The following DDX59 variants were observed in gnomAD, a reference collection of about 807,000 sequenced individuals.
DDX59 encodes DEAD-box helicase 59, also known as probable ATP-dependent RNA helicase DDX59.
In DDX59, 30 loss-of-function variants were observed where a neutral mutation model predicts 51.9. The ratio of observed to expected loss-of-function variants is 0.58; its 90% CI spans 0.43 to 0.78. The LOEUF (loss-of-function observed/expected upper bound fraction) is 0.78, where lower values mean the gene tolerates loss of function less well. Among genes scored for constraint, DDX59 ranks in the 30% least tolerant of loss-of-function variants. The pLI, the probability that DDX59 is intolerant of heterozygous loss-of-function variation, is 0.00. For missense variants in DDX59, 672 were observed against 730.8 expected, an observed-to-expected ratio of 0.92 and a Z score of 0.93; for synonymous variants, 255 against 253.3, an observed-to-expected ratio of 1.01 and a Z score of -0.06.
At chr1:200,657,476 G>A (rs979568620) in intron 4 of DDX59, among the ~76,000 whole-genome samples, 3 of 151,974 alleles carry the variant, frequency 2.0e-5, no homozygotes, top group African/African-American at 7.2e-5. Flanking sequence ...TTGGGCGGGT[G>A]CAGTGGCTCA....
downstream of DDX59, among the ~76,000 whole-genome samples, chr1:200,642,566 G>A (rs2102821776): frequency 6.6e-6 from 1 of 152,272 alleles, no homozygotes; most frequent in Non-Finnish European, 1.5e-5. Context: ...GACAACAGAA[G>A]AGCAGACATG....
At chr1:200,650,065 C>CAA (rs1256257941) in intron 5 of DDX59, among the ~76,000 whole-genome samples, 1 of 152,034 alleles carries the variant, frequency 6.6e-6, no homozygotes, top group East Asian at 1.9e-4. Flanking sequence ...AGGATGGTCT[C>CAA]AATCTCCTGA....
intron 4 of DDX59, among the ~76,000 whole-genome samples, chr1:200,658,123 C>G (rs1318789036): frequency 6.6e-6 from 1 of 152,170 alleles, no homozygotes; most frequent in African/African-American, 2.4e-5. Flanking sequence ...GCACCCAGCA[C>G]CACGCATTTG....
intron 2 of DDX59, among the ~76,000 whole-genome samples, chr1:200,664,524 C>A (rs1283976756): frequency 6.6e-6 from 1 of 152,174 alleles, no homozygotes; most frequent in Non-Finnish European, 1.5e-5. Context: ...TACATATATA[C>A]CCATATCCTA....
Position 200,666,586 on chromosome 1 carries a change from A to T in DDX59, c.155T>A (p.Ile52Lys). ...GCATGATTCGCTGATGTGCCTGTCT[A>T]TTGTGGCTGCTTCTGTAGCTACAGC... is the stretch of plus-strand genomic sequence containing the variant. ...VDAVATEAAT[I>K]DRHISESCPF... Residue 52 changes from isoleucine (I) to lysine (K), a missense_variant, in exon 2 of 8, where the codon ATA becomes AAA. Transcript: ENST00000331314. The T allele has an allele frequency of 6.2e-7, 1 of 1,614,172 alleles. No homozygotes were observed. Among genetic ancestry groups the T allele is most frequent in the Non-Finnish European group, 8.5e-7 (1 of 1,180,032 alleles).
intron 4 of DDX59, among the ~76,000 whole-genome samples, chr1:200,657,478 A>C (rs1033195772): frequency 6.6e-6 from 1 of 151,512 alleles, no homozygotes; most frequent in African/African-American, 2.4e-5. Flanking sequence ...GGGCGGGTGC[A>C]GTGGCTCACA....
intron 3 of DDX59, among the ~76,000 whole-genome samples, chr1:200,663,043 T>A (rs894958523): frequency 6.6e-6 from 1 of 152,192 alleles, no homozygotes; most frequent in Non-Finnish European, 1.5e-5. Context: ...GATTTGACCT[T>A]CAAAAGATTC....
Position 200,649,206 on chromosome 1 carries a change from A to G in DDX59, c.1335T>C (p.Pro445=), listed in dbSNP as rs1210652868. Residue 445 remains proline (P), a synonymous_variant, in exon 6 of 8, where the codon CCT becomes CCC. Transcript: ENST00000331314. ...EILNDKKLFK[P]PVLVFVDCKL... is the part of the protein sequence containing the mutation. Reference sequence around the variant, plus strand: ...TGCAGTCCACAAATACTAACACTGGAGGCTTAAAGAGTTTCTTATCCTGAA... The same window carrying G: ...TGCAGTCCACAAATACTAACACTGGGGGCTTAAAGAGTTTCTTATCCTGAA... 1 of 1,570,636 alleles carries G rather than the reference A, an allele frequency of 6.4e-7. No individual in the cohort carries two copies. The highest frequency in any genetic ancestry group is 2.1e-5 in the Admixed American group (1 of 47,412).
At chr1:200,661,031 A>C (rs915731507) in intron 3 of DDX59, among the ~76,000 whole-genome samples, 3 of 152,182 alleles carry the variant, frequency 2.0e-5, no homozygotes, top group Non-Finnish European at 4.4e-5. Context: ...ACTATCCTCT[A>C]GTAAAATAAA....
At chr1:200,645,477 C>T (rs1203968356) in intron 7 of DDX59, among the ~76,000 whole-genome samples, 1 of 152,106 alleles carries the variant, frequency 6.6e-6, no homozygotes, top group African/African-American at 2.4e-5. Flanking sequence ...TGGGGTTTCA[C>T]CATCTTGACC....
chr1:200,662,980 C>G (rs548266019), intron 3 of DDX59, among the ~76,000 whole-genome samples: 1 of 152,306 alleles, frequency 6.6e-6, no homozygotes, highest in African/African-American at 2.4e-5. Flanking sequence ...AATTATCAAC[C>G]TGTAATTTCT....
intron 7 of DDX59, among the ~76,000 whole-genome samples, chr1:200,648,115 C>T (rs924689911): frequency 6.6e-6 from 1 of 151,730 alleles, no homozygotes; most frequent in African/African-American, 2.4e-5. Context: ...CCCCCTCCTG[C>T]CGAGTTCAAG....
Position 200,663,958 on chromosome 1 carries a change from G to A in DDX59, c.933C>T (p.Pro311=). The A allele has an allele frequency of 6.2e-7, 1 of 1,614,080 alleles. No homozygotes were observed. Among genetic ancestry groups the A allele is most frequent in the Admixed American group, 1.7e-5 (1 of 60,004 alleles). Residue 311 remains proline (P), a synonymous_variant, in exon 3 of 8, where the codon CCC becomes CCT. Coordinates refer to ENST00000331314, the MANE Select transcript of DDX59 (RefSeq NM_001031725.6). The part of the protein sequence containing the change: ...MKTVLLVGGL[P]LPPQLYRLQQ... ...GCAGACGATAAAGCTGTGGGGGTAA[G>A]GGTAAGCCCCCTACAAGAAGCACAG...
At chr1:200,655,995 T>A (rs1661998567) in intron 4 of DDX59, among the ~76,000 whole-genome samples, 2 of 152,166 alleles carry the variant, frequency 1.3e-5, no homozygotes, top group Non-Finnish European at 1.5e-5. Flanking sequence ...CACGCCCAGC[T>A]AATTTTGTAT....
At chr1:200,653,696 C>A (rs1486016388) in intron 4 of DDX59, among the ~76,000 whole-genome samples, 1 of 152,208 alleles carries the variant, frequency 6.6e-6, no homozygotes, top group African/African-American at 2.4e-5. Flanking sequence ...TCTCCCCTCA[C>A]TGCTCGTGAC....
downstream of DDX59, chr1:200,641,324 T>A: frequency 1.3e-6 from 1 of 797,836 alleles, no homozygotes; most frequent in Non-Finnish European, 1.8e-6. Context: ...TTAGATTTAT[T>A]AAATTAATCA....
At chr1:200,644,639 T>A in intron 7 of DDX59, 122 bp from the exon 8 acceptor site, 1 of 1,226,624 alleles carries the variant, frequency 8.2e-7, no homozygotes, top group Non-Finnish European at 1.1e-6. Context: ...CTCACGCCTG[T>A]AACCCCAGCA....
intron 2 of DDX59, among the ~76,000 whole-genome samples, chr1:200,665,339 C>T (rs1662649914): frequency 6.6e-6 from 1 of 152,016 alleles, no homozygotes. Context: ...CCTATAATCC[C>T]AGCTTCTCAG....
downstream of DDX59, among the ~76,000 whole-genome samples, chr1:200,641,576 T>C (rs1018279222): frequency 6.7e-6 from 1 of 149,902 alleles, no homozygotes; most frequent in Non-Finnish European, 1.5e-5. Context: ...CTACTAAAAA[T>C]ACAAAAATTA....
Sources: gnomAD v4.1 joint callset for allele counts (sites outside exome capture counted in the v4.1 genomes callset) on GRCh38, gnomAD v4.1.1 for gene constraint, MANE v1.5 for transcripts, NCBI Gene and HGNC (gene_info 2026-07-23, HGNC 2026-07-21) for gene names.